The following BCAS1 variants were observed in gnomAD, a reference collection of about 807,000 sequenced individuals.
BCAS1 encodes the protein breast carcinoma-amplified sequence 1.
A neutral mutation model predicts 65.4 loss-of-function variants in BCAS1; 46 were observed. The observed-to-expected ratio is 0.70, with a 90% CI of 0.55 to 0.90. The LOEUF (loss-of-function observed/expected upper bound fraction) is 0.90, where lower values mean the gene tolerates loss of function less well. Among genes scored for constraint, BCAS1 ranks in the 40% least tolerant of loss-of-function variants. The pLI is 0.00. For synonymous variants in BCAS1, 298 were observed against 293.5 expected (o/e 1.02, Z -0.16); for missense variants, 793 against 771.2 (o/e 1.03, Z -0.33).
At chr20:53,989,889 T>C (rs1458114793) in intron 7 of BCAS1, among the ~76,000 whole-genome samples, 1 of 152,214 alleles carries the variant, frequency 6.6e-6, no homozygotes, top group African/African-American at 2.4e-5. Context: ...GTCCCAAATA[T>C]TGCATGGGAC....
intron 12 of BCAS1, 31 bp from the exon 13 acceptor site, chr20:53,945,027 A>G (rs769291256): frequency 6.2e-7 from 1 of 1,600,694 alleles, no homozygotes; most frequent in African/African-American, 1.3e-5. Flanking sequence ...GTGGCAGCCT[A>G]TTGAAGCTCT....
At chr20:54,029,215 G>A in intron 3 of BCAS1, 1 of 985,398 alleles carries the variant, frequency 1.0e-6, no homozygotes, top group African/African-American at 1.7e-5. Context: ...CTAGCTGCCA[G>A]GTGTGGAATG....
intron 4 of BCAS1, among the ~76,000 whole-genome samples, chr20:54,006,185 C>G (rs989357333): frequency 1.3e-5 from 2 of 152,156 alleles, no homozygotes; most frequent in African/African-American, 4.8e-5. Context: ...ATGCCCACAA[C>G]GGAGAAGATA....
chr20:54,066,197 C>G (rs375507313), intron 1 of BCAS1, among the ~76,000 whole-genome samples: 2 of 152,062 alleles, frequency 1.3e-5, no homozygotes, highest in Non-Finnish European at 2.9e-5. Context: ...CTCAGTCTCC[C>G]GAGTAGCTGG....
chr20:54,017,427 G>A (rs960222381), intron 4 of BCAS1, among the ~76,000 whole-genome samples: 6 of 147,192 alleles, frequency 4.1e-5, no homozygotes, highest in African/African-American at 1.5e-4. Flanking sequence ...GTGGAGTCTC[G>A]CTCTGTTGCC....
intron 4 of BCAS1, among the ~76,000 whole-genome samples, chr20:54,023,110 TG>T (rs2091597734): frequency 6.6e-6 from 1 of 152,262 alleles, no homozygotes; most frequent in African/African-American, 2.4e-5. Context: ...ATAATTCACT[TG>T]GCCTTCTAAT....
intron 9 of BCAS1, among the ~76,000 whole-genome samples, chr20:53,969,201 C>T (rs796871342): frequency 6.6e-6 from 1 of 151,016 alleles, no homozygotes; most frequent in African/African-American, 2.4e-5. Flanking sequence ...ATTGCATACA[C>T]ATCAGAAAGT....
In BCAS1 at chr20:53,997,419, C is replaced by T. The variant is rs887455785; in HGVS notation, c.724-1369G>A. 4.6e-5 allele frequency among the ~76,000 whole-genome samples: 7 copies of T among 152,296 alleles called. No homozygotes were observed. The East Asian group carries it at 5.8e-4, about 13-fold the overall frequency. On this transcript the variant is annotated intron_variant, in intron 4 of 12. Coordinates refer to ENST00000688948, the MANE Select transcript of BCAS1 (RefSeq NM_001366298.2). ...ACAGCTAAACCTGCCTCATTCTTTA[C>T]GACTCAGGTGACATTTATTCCATTG...
At chr20:54,003,226 C>CAAAAAAAAA (rs36065746) in intron 4 of BCAS1, among the ~76,000 whole-genome samples, 316 of 98,296 alleles carry the variant, frequency 3.2e-3, no homozygotes, top group African/African-American at 4.4e-3. Flanking sequence ...GCCAAACAGA[C>CAAAAAAAAA]AAAAAAAAAA....
rs71196437 is a variant in BCAS1 at position 53,954,294 on chromosome 20, G to GGAGAGAGAGAGA, written c.1552-611_1552-600dup. On this transcript the variant is annotated intron_variant, in intron 11 of 12. Coordinates refer to ENST00000688948, the MANE Select transcript of BCAS1 (RefSeq NM_001366298.2). The stretch of plus-strand genomic sequence containing the variant: ...ACAGAGAAAATCACAGCTGAGAAAT[G>GGAGAGAGAGAGA]GAGAGAGAGAGAGAGAGAGAGAGAG... 6.8e-3 allele frequency among the ~76,000 whole-genome samples: 856 copies of GGAGAGAGAGAGA among 125,876 alleles called. 18 individuals carry two copies. The highest frequency in any genetic ancestry group is 0.013 in the South Asian group (46 of 3,528). The allele number at this position is 125,876 out of a possible 152,430, so 82.6% of individuals were successfully genotyped here. A position where few individuals can be genotyped will look rare whatever the true frequency, so the allele number is the denominator to read the frequency against.
chr20:53,971,103 C>T (rs6127038), intron 9 of BCAS1, among the ~76,000 whole-genome samples: 59 of 152,284 alleles, frequency 3.9e-4, no homozygotes, highest in South Asian at 3.7e-3. Context: ...TGACAGCATG[C>T]GGCAAATTGT....
chr20:54,054,364 C>T (rs1455252108), intron 3 of BCAS1, among the ~76,000 whole-genome samples: 2 of 152,172 alleles, frequency 1.3e-5, no homozygotes, highest in Non-Finnish European at 1.5e-5. Context: ...TTTCCAATGA[C>T]TTTTCTATAC....
intron 9 of BCAS1, among the ~76,000 whole-genome samples, chr20:53,974,941 G>A (rs1307618814): frequency 1.3e-5 from 2 of 152,150 alleles, no homozygotes; most frequent in African/African-American, 2.4e-5. Context: ...CATTCTCAGC[G>A]TCTGTTGCTG....
At chr20:54,021,748 G>A (rs2091564317) in intron 4 of BCAS1, among the ~76,000 whole-genome samples, 2 of 152,072 alleles carry the variant, frequency 1.3e-5, no homozygotes, top group South Asian at 2.1e-4. Flanking sequence ...GGGAGGGAGA[G>A]CATCAGGAAA....
In BCAS1 at chr20:54,036,747, T is replaced by C. The variant is rs1375535977; in HGVS notation, c.143-7775A>G. 1.3e-5 allele frequency among the ~76,000 whole-genome samples: 2 copies of C among 151,474 alleles called. 1 individual carries two copies. Among genetic ancestry groups the C allele is most frequent in the Non-Finnish European group, 3.0e-5 (2 of 67,668 alleles). The stretch of plus-strand genomic sequence containing the variant: ...TTATTTTTGTTATACTAATATGTTA[T>C]TAATATAATTACCATTTTGTATTTT... On this transcript the variant is annotated intron_variant, in intron 3 of 12. Coordinates refer to ENST00000688948, the MANE Select transcript of BCAS1 (RefSeq NM_001366298.2).
Position 53,992,916 on chromosome 20 carries a change from T to A in BCAS1, c.928-270A>T, listed in dbSNP as rs76440778. On this transcript the variant is annotated intron_variant, in intron 6 of 12. Transcript: ENST00000688948. Reference sequence around the variant, plus strand: ...CAAGACAGAACAAAACAAAACTCTGTATCTCCATTTGCTGAAGACAAATAA... The same window carrying A: ...CAAGACAGAACAAAACAAAACTCTGAATCTCCATTTGCTGAAGACAAATAA... 3.6e-3 allele frequency among the ~76,000 whole-genome samples: 552 copies of A among 152,286 alleles called. 3 individuals carry two copies. The highest frequency in any genetic ancestry group is 6.9e-3 in the Admixed American group (106 of 15,294).
At chr20:54,027,406 T>C (rs748179393) in intron 4 of BCAS1, among the ~76,000 whole-genome samples, 14 of 152,306 alleles carry the variant, frequency 9.2e-5, no homozygotes, top group Middle Eastern at 3.4e-3. Context: ...CATTGAACAT[T>C]TTCAATAAAT....
chr20:54,001,581 C>G (rs1245161137), intron 4 of BCAS1, among the ~76,000 whole-genome samples: 1 of 152,046 alleles, frequency 6.6e-6, no homozygotes, highest in Non-Finnish European at 1.5e-5. Context: ...CTTGCGGCCC[C>G]CACCCAAGAA....
At chr20:54,001,818 T>C (rs1427518125) in intron 4 of BCAS1, among the ~76,000 whole-genome samples, 1 of 152,198 alleles carries the variant, frequency 6.6e-6, no homozygotes, top group Non-Finnish European at 1.5e-5. Context: ...CCTGTCTTGA[T>C]AAATTGGCTC....
Sources: gnomAD v4.1 joint callset for allele counts (sites outside exome capture counted in the v4.1 genomes callset) on GRCh38, gnomAD v4.1.1 for gene constraint, MANE v1.5 for transcripts, NCBI Gene and HGNC (gene_info 2026-07-23, HGNC 2026-07-21) for gene names.